The following FBXL13 variants were observed in gnomAD, a reference collection of about 807,000 sequenced individuals.
FBXL13 encodes F-box and leucine-rich repeat protein 13.
In FBXL13, 67 loss-of-function variants were observed where a neutral mutation model predicts 83.6. That is an observed-to-expected ratio of 0.80 (90% CI 0.66 to 0.98). The LOEUF is 0.98. FBXL13 is among the 50% of genes least tolerant of loss of function. FBXL13 has a pLI of 0.00. For synonymous variants in FBXL13, 272 were observed against 299.5 expected (o/e 0.91, Z 0.95); for missense variants, 822 against 866.5 (o/e 0.95, Z 0.64).
At chr7:102,981,333 T>C (rs1828191202) in intron 6 of FBXL13, among the ~76,000 whole-genome samples, 1 of 152,134 alleles carries the variant, frequency 6.6e-6, no homozygotes, top group Admixed American at 6.5e-5. Flanking sequence ...TGGCTCCGAA[T>C]TTCCTAAAAT....
chr7:103,066,658 G>T (rs911418638), intron 1 of FBXL13, among the ~76,000 whole-genome samples: 1 of 151,960 alleles, frequency 6.6e-6, no homozygotes, highest in East Asian at 1.9e-4. Context: ...CTCCCAAAGC[G>T]CTGGGATTAC....
chr7:103,027,689 T>A, intron 4 of FBXL13, 131 bp from the exon 6 acceptor site: 1 of 530,168 alleles, frequency 1.9e-6, no homozygotes, highest in Non-Finnish European at 3.2e-6. Context: ...TGGTCTTATT[T>A]ACACTTGAAA....
intron 8 of FBXL13, 60 bp downstream of exon 9, chr7:102,963,473 T>C: frequency 6.3e-7 from 1 of 1,584,034 alleles, no homozygotes; most frequent in South Asian, 1.2e-5. Context: ...TGCTTTTCTG[T>C]ATATTTGTTT....
At chr7:102,841,441 C>T (rs991040322) in intron 17 of FBXL13, among the ~76,000 whole-genome samples, 1 of 152,146 alleles carries the variant, frequency 6.6e-6, no homozygotes, top group Non-Finnish European at 1.5e-5. Context: ...TTCAGCAGTG[C>T]TTCAGTTGTC....
intron 6 of FBXL13, among the ~76,000 whole-genome samples, chr7:102,995,743 C>T (rs957185009): frequency 7.3e-5 from 11 of 151,020 alleles, no homozygotes; most frequent in African/African-American, 2.4e-4. Context: ...GCTGAGATGG[C>T]GCCACTGCAC....
At chr7:102,911,593 T>A (rs1193319605) in intron 11 of FBXL13, among the ~76,000 whole-genome samples, 1 of 152,210 alleles carries the variant, frequency 6.6e-6, no homozygotes, top group African/African-American at 2.4e-5. Context: ...AAGGGATAGA[T>A]CCCAGGTCCT....
intron 6 of FBXL13, among the ~76,000 whole-genome samples, chr7:103,006,438 A>C (rs932786835): frequency 6.6e-6 from 1 of 152,224 alleles, no homozygotes; most frequent in Non-Finnish European, 1.5e-5. Flanking sequence ...TTATAAGTTA[A>C]AACAAACCAA....
intron 8 of FBXL13, among the ~76,000 whole-genome samples, chr7:102,932,819 G>C (rs1819482711): frequency 6.6e-6 from 1 of 152,148 alleles, no homozygotes; most frequent in Non-Finnish European, 1.5e-5. Flanking sequence ...ATGCTGCTCA[G>C]ACTGGTCTCA....
chr7:102,832,754 T>G, intron 18 of FBXL13, 86 bp downstream of exon 19: 1 of 1,429,168 alleles, frequency 7.0e-7, no homozygotes, highest in East Asian at 2.5e-5. Flanking sequence ...GAGAACATAT[T>G]CTGAGTCCAG....
At chr7:102,973,569 G>C (rs771715446) in intron 6 of FBXL13, 2 of 765,368 alleles carry the variant, frequency 2.6e-6, no homozygotes, top group South Asian at 2.7e-5. Flanking sequence ...GCCTCGTGTT[G>C]TCTGTTGGCA....
intron 11 of FBXL13, among the ~76,000 whole-genome samples, chr7:102,912,654 A>T: frequency 7.0e-6 from 1 of 143,192 alleles, no homozygotes; most frequent in African/African-American, 2.6e-5. Flanking sequence ...TTTCCTATTT[A>T]TCACTTATAG....
chr7:103,029,235 A>G, intron 3 of FBXL13, 116 bp downstream of exon 4: 1 of 575,942 alleles, frequency 1.7e-6, no homozygotes, highest in East Asian at 3.5e-5. Context: ...AAATGGTAGA[A>G]ACATGATTAA....
chr7:102,924,641 CTTTTT>C (rs71106699), intron 10 of FBXL13, among the ~76,000 whole-genome samples: 2 of 121,044 alleles, frequency 1.7e-5, no homozygotes, highest in Admixed American at 1.9e-4. Flanking sequence ...GTAAGCTTTT[CTTTTT>C]TTTTTTTTTT....
intron 2 of FBXL13, among the ~76,000 whole-genome samples, chr7:103,040,182 T>C (rs1037478704): frequency 6.6e-6 from 1 of 152,040 alleles, no homozygotes; most frequent in African/African-American, 2.4e-5. Flanking sequence ...TCCTAGTCTC[T>C]GATAAAACAG....
chr7:102,837,581 G>T (rs539533207), intron 17 of FBXL13, among the ~76,000 whole-genome samples: 1 of 152,236 alleles, frequency 6.6e-6, no homozygotes, highest in Admixed American at 6.5e-5. Context: ...TTTTTGACAG[G>T]GTCCTGCTCT....
intron 17 of FBXL13, among the ~76,000 whole-genome samples, chr7:102,844,408 T>C (rs1261504686): frequency 6.6e-6 from 1 of 152,146 alleles, no homozygotes; most frequent in African/African-American, 2.4e-5. Flanking sequence ...TCCTTCAAAT[T>C]ACTTGTAGGT....
chr7:103,010,978 A>G (rs556079007), intron 6 of FBXL13, among the ~76,000 whole-genome samples: 2 of 152,266 alleles, frequency 1.3e-5, no homozygotes, highest in East Asian at 3.9e-4. Context: ...CAGTCGACAG[A>G]CCACCTTATT....
intron 1 of FBXL13, among the ~76,000 whole-genome samples, chr7:103,060,937 A>T (rs1013501289): frequency 6.6e-6 from 1 of 152,226 alleles, no homozygotes; most frequent in Non-Finnish European, 1.5e-5. Context: ...AGATGGAGGT[A>T]GCACGCTGTT....
chr7:103,059,323 C>T (rs1238334638), intron 1 of FBXL13, among the ~76,000 whole-genome samples: 1 of 152,066 alleles, frequency 6.6e-6, no homozygotes, highest in Admixed American at 6.5e-5. Flanking sequence ...GTCTTTTTCC[C>T]TTGGACAAAA....
Sources: allele counts gnomAD v4.1 joint callset (sites outside exome capture counted in the v4.1 genomes callset), GRCh38; gene constraint gnomAD v4.1.1; transcripts MANE v1.5; gene names NCBI Gene and HGNC (gene_info 2026-07-23, HGNC 2026-07-21).